TAPBP: variants seen among roughly 807,000 people sequenced by gnomAD.
TAPBP encodes TAP binding protein.
A neutral mutation model predicts 45.7 loss-of-function variants in TAPBP; 38 were observed. The ratio of observed to expected loss-of-function variants is 0.83; its 90% CI spans 0.64 to 1.09. The LOEUF is 1.09. Ranked by LOEUF, TAPBP falls within the 50% of genes least tolerant of loss-of-function variation. The pLI is 0.00. For synonymous variants in TAPBP, 226 were observed against 254.8 expected, an observed-to-expected ratio of 0.89 and a Z score of 1.08; for missense variants, 513 against 587.3, an observed-to-expected ratio of 0.87 and a Z score of 1.31.
At position 33,304,644 on chromosome 6, in the gene TAPBP, GAA is replaced by G; in HGVS notation, c.869-8_869-7del. 1.3e-6 allele frequency: 2 copies of G among 1,554,176 alleles called. No individual in the cohort carries two copies. The highest frequency in any genetic ancestry group is 2.3e-5 in the South Asian group (2 of 85,720). ...CAGGGACACTTTGGGGGGTTCTGGG[GAA>G]AGAGGACGAAATGAGCATAGGGAAA... On this transcript the variant is annotated splice_region_variant and splice_polypyrimidine_tract_variant and intron_variant, in intron 4 of 7. Coordinates refer to ENST00000434618, the MANE Select transcript of TAPBP (RefSeq NM_003190.5).
rs1253411317 is a variant in TAPBP at position 33,300,345 on chromosome 6, C to T, written c.*1415G>A. ...TCAGGGGGTTTGTGAGATTTTATAA[C>T]AAAATTAAGATGTTAGTACAATATC... is the stretch of plus-strand genomic sequence containing the variant. On this transcript the variant is annotated 3_prime_UTR_variant, in exon 8 of 8. Coordinates refer to ENST00000434618, the MANE Select transcript of TAPBP (RefSeq NM_003190.5). 6.5e-6 allele frequency: 1 copy of T among 153,250 alleles called. No individual in the cohort carries two copies. Among genetic ancestry groups the T allele is most frequent in the African/African-American group, 2.4e-5 (1 of 41,454 alleles). The allele number at this position is 153,250 out of a possible 1,614,324, so 9.5% of individuals were successfully genotyped here. A position where few individuals can be genotyped will look rare whatever the true frequency, so the allele number is the denominator to read the frequency against.
chr6:33,306,385 A>C (rs1317037920), intron 3 of TAPBP, among the ~76,000 whole-genome samples: 1 of 152,228 alleles, frequency 6.6e-6, no homozygotes, highest in African/African-American at 2.4e-5. Flanking sequence ...GAAGATGTTC[A>C]AGGTATCCTG....
rs1173776668 is a variant in TAPBP, at chr6:33,305,823, T to C, written c.470-436A>G. 1.3e-5 allele frequency among the ~76,000 whole-genome samples: 2 copies of C among 152,196 alleles called. No individual in the cohort carries two copies. Among genetic ancestry groups the C allele is most frequent in the Non-Finnish European group, 2.9e-5 (2 of 68,042 alleles). On this transcript the variant is annotated intron_variant, in intron 3 of 7. Transcript: ENST00000434618. The surrounding 1 kb of genome is among the most constrained non-coding windows in gnomAD (Gnocchi z 4.4). ...CATGACTGTCAGTCTTGTGGTGCTG[T>C]ACAGAATATTTACTGACTCTAGAAG...
chr6:33,302,604 G>A (rs554493360), intron 7 of TAPBP, among the ~76,000 whole-genome samples: 1 of 151,626 alleles, frequency 6.6e-6, no homozygotes, highest in African/African-American at 2.4e-5. Flanking sequence ...TAGGATTACA[G>A]GCGTGAACCA....
At position 33,313,060 on chromosome 6, in the gene TAPBP, A is replaced by T; in HGVS notation, c.469+157T>A. ...GGGTGAGGGCTAGAAGGAGCGGTAG[A>T]GATTGATTCATTCTAGCCAAACCAC... On this transcript the variant is annotated intron_variant, in intron 3 of 7. Transcript: ENST00000434618. The surrounding 1 kb of genome is among the most constrained non-coding windows in gnomAD (Gnocchi z 7.2). The T allele has an allele frequency of 7.2e-6, 5 of 692,618 alleles. No homozygotes were observed. The highest frequency in any genetic ancestry group is 1.1e-5 in the Non-Finnish European group (5 of 437,282). 42.9% of individuals were successfully genotyped at this position (692,618 alleles called of 1,614,324 possible).
chr6:33,310,156 C>T (rs1215057574), intron 3 of TAPBP, among the ~76,000 whole-genome samples: 1 of 151,958 alleles, frequency 6.6e-6, no homozygotes, highest in African/African-American at 2.4e-5. Flanking sequence ...CCTCACCTGA[C>T]TCCATAATAT....
intron 3 of TAPBP, among the ~76,000 whole-genome samples, chr6:33,311,563 G>A (rs1323439595): frequency 6.6e-6 from 1 of 152,066 alleles, no homozygotes; most frequent in African/African-American, 2.4e-5. Context: ...GGGAGGCGGA[G>A]GTTCCGGTGA....
chr6:33,307,236 T>G (rs3135408), intron 3 of TAPBP, among the ~76,000 whole-genome samples: 1 of 151,472 alleles, frequency 6.6e-6, no homozygotes, highest in Non-Finnish European at 1.5e-5. Context: ...TGCCGTAAGC[T>G]GAAATCATGC....
chr6:33,304,055 T>C (rs1768768373), intron 6 of TAPBP, 66 bp from the exon 7 acceptor site: 1 of 1,611,432 alleles, frequency 6.2e-7, no homozygotes, highest in Non-Finnish European at 8.5e-7. Context: ...GAGGGATGGG[T>C]GTCAGGCTCT....
intron 3 of TAPBP, among the ~76,000 whole-genome samples, chr6:33,311,888 T>C (rs1264334643): frequency 6.6e-6 from 1 of 152,202 alleles, no homozygotes; most frequent in Non-Finnish European, 1.5e-5. Flanking sequence ...TCTGATTTAA[T>C]CGGCCAAGCT....
intron 3 of TAPBP, among the ~76,000 whole-genome samples, chr6:33,306,101 A>T (rs1768954271): frequency 6.6e-6 from 1 of 152,182 alleles, no homozygotes; most frequent in African/African-American, 2.4e-5. Flanking sequence ...TTGCTACTCA[A>T]GTCTATTCAG....
At chr6:33,306,749 C>T (rs1168852826) in intron 3 of TAPBP, among the ~76,000 whole-genome samples, 2 of 152,176 alleles carry the variant, frequency 1.3e-5, no homozygotes, top group African/African-American at 2.4e-5. Flanking sequence ...GAGGACGAGG[C>T]GGGTGGATCA....
At position 33,305,384 on chromosome 6, in the gene TAPBP, A is replaced by G; in HGVS notation, c.473T>C (p.Val158Ala). 1 of 1,515,316 alleles carries G rather than the reference A, an allele frequency of 6.6e-7. No individual in the cohort carries two copies. The highest frequency in any genetic ancestry group is 8.8e-7 in the Non-Finnish European group (1 of 1,133,442). 93.9% of individuals were successfully genotyped at this position (1,515,316 alleles called of 1,614,324 possible). ...AGGGGTGTGGGTGAGGACAGTCAGT[A>G]CCACTGAGGAAGACAGGGAGATGAG... ...EPVLITMATVVLTVLTHTPAP... is the reference protein window; with the variant it reads ...EPVLITMATVALTVLTHTPAP... The change falls in exon 4 of 8, where the codon GTA (valine) becomes GCA (alanine). Residue 158 changes from valine to alanine, a missense_variant. Val to Ala is a moderately conservative substitution (Grantham distance 64). Coordinates refer to ENST00000434618, the MANE Select transcript of TAPBP (RefSeq NM_003190.5). This position sits in a 1 kb window ranked among gnomAD's most constrained non-coding sequence, Gnocchi z 4.4.
chr6:33,304,525 C>T lies in TAPBP; in HGVS notation c.982G>A (p.Val328Met). Residue 328 changes from valine (V) to methionine (M), a missense_variant, in exon 5 of 8, where the codon GTG becomes ATG. Val to Met is a conservative substitution (Grantham distance 21, BLOSUM62 1). Transcript: ENST00000434618. ...SHFYPSGGLE[V>M]EWELRGGPGG... ...GGGCCACCCCGGAGTTCCCACTCCA[C>T]CTCCAGGCCCCCAGAAGGGTAGAAG... is the stretch of plus-strand genomic sequence containing the variant. The T allele has an allele frequency of 6.2e-7, 1 of 1,612,914 alleles. No individual in the cohort carries two copies. The highest frequency in any genetic ancestry group is 8.5e-7 in the Non-Finnish European group (1 of 1,179,918).
intron 3 of TAPBP, among the ~76,000 whole-genome samples, chr6:33,306,838 T>C (rs1352402319): frequency 6.6e-6 from 1 of 151,592 alleles, no homozygotes; most frequent in Non-Finnish European, 1.5e-5. Flanking sequence ...ATTAGCCTGG[T>C]GTGGTGGCAC....
chr6:33,307,314 A>C (rs2150964905), intron 3 of TAPBP, among the ~76,000 whole-genome samples: 1 of 152,096 alleles, frequency 6.6e-6, no homozygotes, highest in South Asian at 2.1e-4. Context: ...ATAAAATAAA[A>C]ATCCCAAATA....
chr6:33,313,760 G>A lies in TAPBP; in HGVS notation c.142C>T (p.Arg48Cys), dbSNP rs1769566564. Residue 48 changes from arginine (R) to cysteine (C), a missense_variant, in exon 2 of 8, where the codon CGC (arginine) becomes TGC (cysteine). Physicochemically the swap from Arg to Cys is radical, Grantham distance 180. Transcript: ENST00000434618. The surrounding 1 kb of genome is among the most constrained non-coding windows in gnomAD (Gnocchi z 7.2). ...LAKRPGALLL[R>C]QGPGEPPPRP... ...GGCGGCGGTTCCCCCGGTCCCTGGC[G>A]CAACAGCAGTGCACCGGGTCTCTTG... 1 of 1,613,610 alleles carries A rather than the reference G, an allele frequency of 6.2e-7. No homozygotes were observed. The highest frequency in any genetic ancestry group is 1.1e-5 in the South Asian group (1 of 91,078).
rs1376563440 is a variant in TAPBP, at chr6:33,313,685, G to C, written c.208+9C>G. ...GAGGTAGGGGGGCGGCGAGTCCCTAGAGACTCACCGTGTACACTGAGATAG... is the reference window on the plus strand; with the variant it reads ...GAGGTAGGGGGGCGGCGAGTCCCTACAGACTCACCGTGTACACTGAGATAG... On this transcript the variant is annotated intron_variant, in intron 2 of 7. Coordinates refer to ENST00000434618, the MANE Select transcript of TAPBP (RefSeq NM_003190.5). This position sits in a 1 kb window ranked among gnomAD's most constrained non-coding sequence, Gnocchi z 7.2. 4 of 1,607,644 alleles carry C rather than the reference G, an allele frequency of 2.5e-6. No homozygotes were observed. The highest frequency in any genetic ancestry group is 3.4e-6 in the Non-Finnish European group (4 of 1,175,786).
rs1768414851 is a variant in TAPBP, at chr6:33,299,864, G to C, written c.*1896C>G. 6.6e-6 allele frequency: 1 copy of C among 152,404 alleles called. No individual in the cohort carries two copies. The highest frequency in any genetic ancestry group is 6.5e-5 in the Admixed American group (1 of 15,278). 9.4% of individuals were successfully genotyped at this position (152,404 alleles called of 1,614,324 possible). ...CAGTGGGCCTTAGGTCCCTATGCCG[G>C]CGCGGGGTTACAGCAGTGGACAGAC... On this transcript the variant is annotated 3_prime_UTR_variant, in exon 8 of 8. Coordinates refer to ENST00000434618, the MANE Select transcript of TAPBP (RefSeq NM_003190.5). The surrounding 1 kb of genome is among the most constrained non-coding windows in gnomAD (Gnocchi z 5.0).
Sources: allele counts gnomAD v4.1 joint callset (sites outside exome capture counted in the v4.1 genomes callset), GRCh38; gene constraint gnomAD v4.1.1; non-coding constraint Gnocchi (gnomAD v3.1); transcripts MANE v1.5; gene names NCBI Gene and HGNC (gene_info 2026-07-23, HGNC 2026-07-21).